Variants in GCFC2 observed in about 807,000 individuals in gnomAD.
The protein encoded by GCFC2 is intron Large complex component GCFC2.
In GCFC2, 102 loss-of-function variants were observed where a neutral mutation model predicts 99.4. The ratio of observed to expected loss-of-function variants is 1.03; its 90% confidence interval spans 0.87 to 1.21. GCFC2 has a LOEUF of 1.21. GCFC2 is among the 50% of genes most tolerant of loss of function. GCFC2 has a pLI of 0.00. For missense variants in GCFC2, 973 were observed against 920.9 expected (o/e 1.06, Z -0.73); for synonymous variants, 338 against 316.8 (o/e 1.07, Z -0.71).
chr2:75,678,892 G>C (rs1412473291), intron 12 of GCFC2, among the ~76,000 whole-genome samples: 1 of 152,066 alleles, frequency 6.6e-6, no homozygotes, highest in Non-Finnish European at 1.5e-5. Flanking sequence ...GATGGATCTT[G>C]CTATGATGCC....
chr2:75,702,645 A>C (rs28477955), intron 2 of GCFC2, among the ~76,000 whole-genome samples: 10,955 of 152,272 alleles, frequency 0.072, 1,282 homozygotes, highest in African/African-American at 0.25. Context: ...TAGAAGTATC[A>C]GAAAATATAC....
chr2:75,710,720 G>A lies in GCFC2; in HGVS notation c.136C>T (p.Pro46Ser), dbSNP rs1267394264. The A allele has an allele frequency of 7.7e-6, 12 of 1,552,138 alleles. No homozygotes were observed. Among genetic ancestry groups the A allele is most frequent in the Non-Finnish European group, 9.5e-6 (11 of 1,153,736 alleles). ...PVPGSAEEEP[P>S]SGGGRAQVAG... ...ACCTGCGCGCGGCCTCCTCCAGAGG[G>A]CGGCTCTTCCTCCGCAGAACCCGGG... Residue 46 changes from proline to serine, a missense_variant, in exon 1 of 17, where the codon CCC becomes TCC. Transcript: ENST00000321027.
At chr2:75,676,501 A>G (rs1012514228) in intron 12 of GCFC2, among the ~76,000 whole-genome samples, 3 of 151,442 alleles carry the variant, frequency 2.0e-5, no homozygotes, top group Non-Finnish European at 4.4e-5. Context: ...TTCCCATACT[A>G]TCTTAAGACA....
At position 75,687,704 on chromosome 2, in the gene GCFC2, T is replaced by C. The variant is rs1558740929; in HGVS notation, c.1690+123A>G. The stretch of plus-strand genomic sequence containing the variant: ...ACATTTGACAGCTGTTGATTTTTAC[T>C]ACATATAACATTTCCTTGAGATTAA... On this transcript the variant is annotated intron_variant, in intron 11 of 16. Coordinates refer to ENST00000321027, the MANE Select transcript of GCFC2 (RefSeq NM_003203.5). 7.7e-6 allele frequency: 6 copies of C among 778,274 alleles called. No individual in the cohort carries two copies. The Admixed American group carries it at 8.6e-5, about 11-fold the overall frequency. 48.2% of individuals were successfully genotyped at this position (778,274 alleles called of 1,614,324 possible). A position where few individuals can be genotyped will look rare whatever the true frequency, so the allele number is the denominator to read the frequency against.
intron 15 of GCFC2, chr2:75,669,879 C>T (rs1328531641): frequency 4.5e-5 from 9 of 199,672 alleles, no homozygotes; most frequent in East Asian, 2.0e-4. Flanking sequence ...TGTTAGCCAC[C>T]GCACCTGGCT....
chr2:75,709,825 A>C (rs547303785), intron 1 of GCFC2, among the ~76,000 whole-genome samples: 18 of 152,352 alleles, frequency 1.2e-4, no homozygotes, highest in Admixed American at 1.2e-3. Context: ...ACTTCTCAAT[A>C]AATTAATAAA....
intron 1 of GCFC2, 35 bp from the exon 2 acceptor site, chr2:75,706,686 G>C (rs1429608993): frequency 1.4e-6 from 2 of 1,447,340 alleles, no homozygotes; most frequent in South Asian, 2.4e-5. Context: ...ACAAAAAAGA[G>C]TCAAAATAAT....
intron 2 of GCFC2, among the ~76,000 whole-genome samples, chr2:75,705,616 C>CAAAAA (rs34447327): frequency 0.034 from 2,818 of 83,342 alleles, 200 homozygotes; most frequent in Non-Finnish European, 0.052. Flanking sequence ...GACTCCATCT[C>CAAAAA]AAAAAAAAAA....
intron 4 of GCFC2, 109 bp from the exon 5 acceptor site, chr2:75,696,424 A>G (rs996031509): frequency 2.1e-6 from 1 of 478,536 alleles, no homozygotes; most frequent in African/African-American, 2.0e-5. Flanking sequence ...AAGCTAAAAA[A>G]TTCCATGTCT....
chr2:75,710,318 T>TG (rs1681086762), intron 1 of GCFC2: 3 of 530,118 alleles, frequency 5.7e-6, no homozygotes, highest in Non-Finnish European at 9.0e-6. Flanking sequence ...TTATAACTGA[T>TG]GGAGTCAACT....
Position 75,694,408 on chromosome 2 carries a change from T to C in GCFC2, c.853A>G (p.Thr285Ala). 1 of 1,402,502 alleles carries C rather than the reference T, an allele frequency of 7.1e-7. No homozygotes were observed. The highest frequency in any genetic ancestry group is 9.5e-7 in the Non-Finnish European group (1 of 1,051,912). The allele number at this position is 1,402,502 out of a possible 1,614,324, so 86.9% of individuals were successfully genotyped here. A position where few individuals can be genotyped will look rare whatever the true frequency, so the allele number is the denominator to read the frequency against. ...TACTCCCTCAGGTGTGAGCGGTGAG[T>C]TTCCTGTAGTAATGTTAATCTAAAT... ...LNTRLTLLQE[T>A]HRSHLREYEK... Residue 285 changes from threonine to alanine, a missense_variant, in exon 6 of 17, where the codon ACT becomes GCT. Thr to Ala is a moderately conservative substitution (Grantham distance 58). Coordinates refer to ENST00000321027, the MANE Select transcript of GCFC2 (RefSeq NM_003203.5).
At chr2:75,705,201 C>T (rs183086076) in intron 2 of GCFC2, among the ~76,000 whole-genome samples, 19 of 152,216 alleles carry the variant, frequency 1.2e-4, no homozygotes, top group Admixed American at 1.2e-3. Flanking sequence ...AAGGCTTCAA[C>T]TGTTTACTAG....
intron 11 of GCFC2, among the ~76,000 whole-genome samples, chr2:75,683,866 A>G (rs76595414): frequency 3.3e-5 from 5 of 152,170 alleles, no homozygotes; most frequent in African/African-American, 4.8e-5. Context: ...AAAGATCAAA[A>G]GAGACAAAGA....
chr2:75,669,504 C>A (rs11692855), intron 15 of GCFC2, among the ~76,000 whole-genome samples: 29,287 of 152,026 alleles, frequency 0.19, 3,569 homozygotes, highest in South Asian at 0.27. Flanking sequence ...AGTCATTTAC[C>A]ATCTTAGTAT....
intron 1 of GCFC2, 26 bp downstream of exon 1, chr2:75,710,565 C>G (rs1255751112): frequency 6.1e-6 from 9 of 1,479,006 alleles, no homozygotes; most frequent in Non-Finnish European, 8.0e-6. Context: ...CGTCACCTCC[C>G]CGCTTCCCCG....
At chr2:75,695,856 G>A (rs1436956542) in intron 5 of GCFC2, among the ~76,000 whole-genome samples, 2 of 152,142 alleles carry the variant, frequency 1.3e-5, no homozygotes. Flanking sequence ...TTCTCATCCT[G>A]GGCAGGATGA....
In GCFC2 at chr2:75,665,911, A is replaced by G. The variant is rs752304443; in HGVS notation, c.2228+18T>C. 6.5e-7 allele frequency: 1 copy of G among 1,530,860 alleles called. No homozygotes were observed. The highest frequency in any genetic ancestry group is 8.9e-7 in the Non-Finnish European group (1 of 1,117,670). 94.8% of individuals were successfully genotyped at this position (1,530,860 alleles called of 1,614,324 possible). On this transcript the variant is annotated intron_variant, in intron 16 of 16. Coordinates refer to ENST00000321027, the MANE Select transcript of GCFC2 (RefSeq NM_003203.5). Reference sequence around the variant, plus strand: ...CCATGAACTCTCTTTATAGAAGTGAAAATAAAATATGCATTACCTGAATTC... The same window carrying G: ...CCATGAACTCTCTTTATAGAAGTGAGAATAAAATATGCATTACCTGAATTC...
chr2:75,678,500 A>G (rs2104272156), intron 12 of GCFC2, among the ~76,000 whole-genome samples: 1 of 152,256 alleles, frequency 6.6e-6, no homozygotes, highest in Admixed American at 6.5e-5. Flanking sequence ...TCTTTCCCTC[A>G]AGCCACAGTT....
chr2:75,712,200 G>T (rs1354344460), upstream of GCFC2, among the ~76,000 whole-genome samples: 2 of 114,750 alleles, frequency 1.7e-5, no homozygotes, highest in African/African-American at 2.6e-5. Context: ...GTATCTAGCT[G>T]CTCTGGTGGG....
Sources: gnomAD v4.1 joint callset for allele counts (sites outside exome capture counted in the v4.1 genomes callset) on GRCh38, gnomAD v4.1.1 for gene constraint, MANE v1.5 for transcripts, NCBI Gene and HGNC (gene_info 2026-07-23, HGNC 2026-07-21) for gene names.